TXNRD1: variants seen among roughly 807,000 people sequenced by gnomAD.
TXNRD1 encodes the protein thioredoxin reductase 1, cytoplasmic.
A neutral mutation model predicts 80.3 loss-of-function variants in TXNRD1; 57 were observed. The observed-to-expected ratio is 0.71, with a 90% CI of 0.57 to 0.89. The LOEUF (loss-of-function observed/expected upper bound fraction) is 0.89, where lower values mean the gene tolerates loss of function less well. TXNRD1 is among the 40% of genes least tolerant of loss of function. The pLI, the probability that TXNRD1 is intolerant of heterozygous loss-of-function variation, is 0.00. For synonymous variants in TXNRD1, 291 were observed against 285.2 expected (o/e 1.02, Z -0.20); for missense variants, 730 against 803.0 (o/e 0.91, Z 1.10).
chr12:104,244,129 G>A (rs191269584), intron 1 of TXNRD1, among the ~76,000 whole-genome samples: 12 of 152,200 alleles, frequency 7.9e-5, no homozygotes, highest in African/African-American at 2.9e-4. Context: ...AAAGAGATAA[G>A]TATCAGTTAT....
At chr12:104,273,546 T>C (rs1341776074) in intron 3 of TXNRD1, among the ~76,000 whole-genome samples, 1 of 151,896 alleles carries the variant, frequency 6.6e-6, no homozygotes, top group East Asian at 1.9e-4. Flanking sequence ...TGAGCCGAGA[T>C]TGCGTCACTG....
At chr12:104,264,466 G>T (rs2033432831) in intron 3 of TXNRD1, among the ~76,000 whole-genome samples, 1 of 152,172 alleles carries the variant, frequency 6.6e-6, no homozygotes, top group Non-Finnish European at 1.5e-5. Context: ...TTTATTTTAT[G>T]AATGAGGCTC....
intron 13 of TXNRD1, among the ~76,000 whole-genome samples, chr12:104,329,805 A>G (rs761404117): frequency 7.9e-5 from 12 of 152,088 alleles, no homozygotes; most frequent in Non-Finnish European, 1.5e-4. Flanking sequence ...TCTGCCTTGC[A>G]ACTTGAAACC....
At chr12:104,321,867 A>T (rs966032310) in intron 10 of TXNRD1, among the ~76,000 whole-genome samples, 2 of 152,220 alleles carry the variant, frequency 1.3e-5, no homozygotes, top group African/African-American at 4.8e-5. Flanking sequence ...TGTTACCATT[A>T]TCACAAATGT....
At chr12:104,290,779 TTATTC>T (rs1225151594) in intron 4 of TXNRD1, among the ~76,000 whole-genome samples, 2 of 128,658 alleles carry the variant, frequency 1.6e-5, no homozygotes, top group Non-Finnish European at 3.3e-5. Context: ...TCCTGTCTGA[TTATTC>T]TATTATTTTC....
intron 3 of TXNRD1, among the ~76,000 whole-genome samples, chr12:104,267,683 T>C (rs542137254): frequency 3.2e-4 from 13 of 40,796 alleles, no homozygotes; most frequent in African/African-American, 7.2e-4. Context: ...CTTTCTTTCT[T>C]TCTTTCTTTC....
intron 5 of TXNRD1, 28 bp downstream of exon 5, chr12:104,311,440 T>C (rs2035129521): frequency 6.2e-7 from 1 of 1,609,140 alleles, no homozygotes; most frequent in African/African-American, 1.3e-5. Flanking sequence ...GTCTGTTGTC[T>C]GTTGTCTGGG....
At chr12:104,244,686 A>C (rs1203214938) in intron 1 of TXNRD1, among the ~76,000 whole-genome samples, 56 of 152,232 alleles carry the variant, frequency 3.7e-4, no homozygotes, top group Admixed American at 3.7e-3. Context: ...GCCACTAAAT[A>C]AGGTTAGAAC....
intron 1 of TXNRD1, among the ~76,000 whole-genome samples, chr12:104,234,035 T>A (rs961906621): frequency 6.6e-6 from 1 of 152,198 alleles, no homozygotes; most frequent in African/African-American, 2.4e-5. Flanking sequence ...ATTTCAATAT[T>A]ACAATCTTCA....
chr12:104,340,893 C>G (rs1046574242), intron 16 of TXNRD1, among the ~76,000 whole-genome samples: 3 of 152,148 alleles, frequency 2.0e-5, no homozygotes, highest in Admixed American at 6.5e-5. Flanking sequence ...TACTCACAAG[C>G]TTCAATAGCC....
At chr12:104,258,131 T>G in intron 3 of TXNRD1, 52 bp downstream of exon 3, 1 of 1,308,416 alleles carries the variant, frequency 7.6e-7, no homozygotes. Flanking sequence ...ACATTTTATC[T>G]CATTTATTCT....
At chr12:104,289,104 G>A in intron 4 of TXNRD1, 64 bp downstream of exon 4, 1 of 1,554,008 alleles carries the variant, frequency 6.4e-7, no homozygotes, top group Non-Finnish European at 8.7e-7. Flanking sequence ...CGTGGTCACA[G>A]CCTGCCTTTT....
chr12:104,311,553 A>T, intron 5 of TXNRD1, 141 bp downstream of exon 5: 1 of 1,092,654 alleles, frequency 9.2e-7, no homozygotes, highest in Non-Finnish European at 1.3e-6. Context: ...TGGGCAGGAC[A>T]TGGACATCGT....
intron 1 of TXNRD1, among the ~76,000 whole-genome samples, chr12:104,239,890 A>G (rs2032822810): frequency 6.6e-6 from 1 of 152,182 alleles, no homozygotes; most frequent in African/African-American, 2.4e-5. Flanking sequence ...TATACTGTTA[A>G]TATGAGCAGT....
intron 1 of TXNRD1, among the ~76,000 whole-genome samples, chr12:104,228,284 A>G (rs2032522656): frequency 7.0e-6 from 1 of 143,742 alleles, no homozygotes. Context: ...CCTGGCAACA[A>G]GAGCAAAACT....
At chr12:104,228,235 G>T (rs2032521631) in intron 1 of TXNRD1, among the ~76,000 whole-genome samples, 1 of 150,866 alleles carries the variant, frequency 6.6e-6, no homozygotes, top group African/African-American at 2.4e-5. Context: ...CCAGAAGGCG[G>T]AGGTTGCAGT....
chr12:104,216,982 A>C (rs2032229121), intron 1 of TXNRD1, among the ~76,000 whole-genome samples: 1 of 152,222 alleles, frequency 6.6e-6, no homozygotes, highest in Non-Finnish European at 1.5e-5. Context: ...AGGTGTCTGA[A>C]GGGAGAACAT....
intron 3 of TXNRD1, among the ~76,000 whole-genome samples, chr12:104,258,476 A>G (rs2033299866): frequency 6.6e-6 from 1 of 152,258 alleles, no homozygotes; most frequent in Non-Finnish European, 1.5e-5. Flanking sequence ...AGGGACATAC[A>G]AAGATCAGTA....
chr12:104,254,644 A>AAAAAAAAAAAAAAAATATAT, intron 2 of TXNRD1, among the ~76,000 whole-genome samples: 27 of 93,628 alleles, frequency 2.9e-4, no homozygotes, highest in Non-Finnish European at 4.2e-4. Flanking sequence ...AAAAAAAAAA[A>AAAAAAAAAAAAAAAATATAT]ATATATATAT....
Sources: gnomAD v4.1 joint callset for allele counts (sites outside exome capture counted in the v4.1 genomes callset) on GRCh38, gnomAD v4.1.1 for gene constraint, MANE v1.5 for transcripts, NCBI Gene and HGNC (gene_info 2026-07-23, HGNC 2026-07-21) for gene names.